TRIM2: variants seen among roughly 807,000 people sequenced by gnomAD.
TRIM2 encodes tripartite motif containing 2, also known as tripartite motif-containing protein 2.
A neutral mutation model predicts 75.2 loss-of-function variants in TRIM2; 20 were observed. That is an observed-to-expected ratio of 0.27 (90% CI 0.19 to 0.39). TRIM2 has a LOEUF of 0.39. TRIM2 is among the 10% of genes least tolerant of loss of function. The pLI, the probability that TRIM2 is intolerant of heterozygous loss-of-function variation, is 1.00. For synonymous variants in TRIM2, 373 were observed against 388.3 expected, an observed-to-expected ratio of 0.96 and a Z score of 0.46; for missense variants, 660 against 990.8, an observed-to-expected ratio of 0.67 and a Z score of 4.48.
chr4:153,260,376 C>T (rs1456832657), intron 1 of TRIM2, among the ~76,000 whole-genome samples: 1 of 152,074 alleles, frequency 6.6e-6, no homozygotes, highest in African/African-American at 2.4e-5. Flanking sequence ...AACATTCCAC[C>T]ACACAGACGC....
intron 3 of TRIM2, among the ~76,000 whole-genome samples, chr4:153,282,425 T>G (rs1759553217): frequency 6.6e-6 from 1 of 152,110 alleles, no homozygotes; most frequent in South Asian, 2.1e-4. Flanking sequence ...GAAGTAAAAT[T>G]CAGGCTGGGC....
intron 1 of TRIM2, among the ~76,000 whole-genome samples, chr4:153,173,192 C>T (rs1480853348): frequency 6.6e-6 from 1 of 152,064 alleles, no homozygotes; most frequent in Non-Finnish European, 1.5e-5. Flanking sequence ...GCTGGAAGGG[C>T]CCAGAAGGCA....
intron 9 of TRIM2, among the ~76,000 whole-genome samples, chr4:153,323,628 T>A (rs1012707657): frequency 6.6e-6 from 1 of 152,144 alleles, no homozygotes; most frequent in African/African-American, 2.4e-5. Flanking sequence ...ACTACAGGCA[T>A]GTGCCACCAT....
intron 1 of TRIM2, among the ~76,000 whole-genome samples, chr4:153,177,890 C>T (rs1213533888): frequency 6.6e-6 from 1 of 152,022 alleles, no homozygotes; most frequent in Non-Finnish European, 1.5e-5. Context: ...CAACCTCCAC[C>T]TCCAGGACTC....
intron 1 of TRIM2, among the ~76,000 whole-genome samples, chr4:153,155,332 TCTA>T (rs1729131152): frequency 1.3e-5 from 2 of 152,316 alleles, no homozygotes; most frequent in Admixed American, 1.3e-4. Flanking sequence ...AATAAATACT[TCTA>T]CTGAATTCTA....
intron 1 of TRIM2, among the ~76,000 whole-genome samples, chr4:153,155,323 A>G (rs1238147504): frequency 6.6e-6 from 1 of 152,234 alleles, no homozygotes; most frequent in Admixed American, 6.5e-5. Flanking sequence ...AAAACTAGAA[A>G]TAAATACTTC....
intron 1 of TRIM2, among the ~76,000 whole-genome samples, chr4:153,214,829 T>G (rs1482690773): frequency 6.6e-6 from 1 of 152,210 alleles, no homozygotes; most frequent in Non-Finnish European, 1.5e-5. Flanking sequence ...CTAGGTGTTT[T>G]TTATTTTCTG....
intron 3 of TRIM2, among the ~76,000 whole-genome samples, chr4:153,281,795 A>T (rs1005030417): frequency 6.6e-6 from 1 of 152,250 alleles, no homozygotes; most frequent in Non-Finnish European, 1.5e-5. Flanking sequence ...GTGATCTAAC[A>T]GGTTCTTTGC....
At chr4:153,173,644 CA>C (rs1731106886) in intron 1 of TRIM2, among the ~76,000 whole-genome samples, 1 of 149,540 alleles carries the variant, frequency 6.7e-6, no homozygotes, top group Non-Finnish European at 1.5e-5. Flanking sequence ...GCCTGGACGA[CA>C]AGAGCAAAAC....
chr4:153,158,119 A>G (rs1035831930), intron 1 of TRIM2, among the ~76,000 whole-genome samples: 4 of 152,208 alleles, frequency 2.6e-5, no homozygotes, highest in Non-Finnish European at 5.9e-5. Context: ...TGACAAATTG[A>G]CTACTTAACG....
Position 153,266,086 on chromosome 4 carries a change from C to T in TRIM2, c.31-4249C>T, listed in dbSNP as rs1362553368. Among the ~76,000 whole-genome samples the T allele has an allele frequency of 2.6e-5, 4 of 152,130 alleles. No homozygotes were observed. The East Asian group carries it at 5.8e-4, about 22-fold the overall frequency. ...GGCTGATCAGACGTCATACCTATAC[C>T]GTTTAACTATGCAGTGAGTTCTGTC... On this transcript the variant is annotated intron_variant, in intron 1 of 11. Coordinates refer to ENST00000338700, the MANE Select transcript of TRIM2 (RefSeq NM_015271.5).
intron 1 of TRIM2, among the ~76,000 whole-genome samples, chr4:153,253,786 A>G (rs1429335793): frequency 1.3e-5 from 2 of 152,194 alleles, no homozygotes; most frequent in East Asian, 1.9e-4. Context: ...TACAAATGCC[A>G]TGGCAATGTC....
At chr4:153,239,649 G>A (rs1305612757) in intron 1 of TRIM2, among the ~76,000 whole-genome samples, 1 of 152,114 alleles carries the variant, frequency 6.6e-6, no homozygotes, top group Non-Finnish European at 1.5e-5. Context: ...TAAGTGGCCT[G>A]CACCAGGTTT....
chr4:153,329,194 C>T (rs1770902187), intron 11 of TRIM2, among the ~76,000 whole-genome samples: 1 of 152,106 alleles, frequency 6.6e-6, no homozygotes, highest in Non-Finnish European at 1.5e-5. Flanking sequence ...GAAGCACACA[C>T]ATATTGCTCT....
In TRIM2 at chr4:153,204,771, C is replaced by T. The variant is rs566731564; in HGVS notation, c.30+211C>T. Among the ~76,000 whole-genome samples, 23 of 152,178 alleles carry T rather than the reference C, an allele frequency of 1.5e-4. No individual in the cohort carries two copies. In the South Asian group the frequency reaches 4.4e-3, roughly 29 times the overall value. ...GGAAGGGAGTAAGGAAGCAAAAAATCGAGGGAGAGACACAGCTGGATTTGA... is the reference window on the plus strand; with the variant it reads ...GGAAGGGAGTAAGGAAGCAAAAAATTGAGGGAGAGACACAGCTGGATTTGA... On this transcript the variant is annotated intron_variant, in intron 1 of 11. Coordinates refer to ENST00000338700, the MANE Select transcript of TRIM2 (RefSeq NM_015271.5).
intron 1 of TRIM2, among the ~76,000 whole-genome samples, chr4:153,259,995 G>T (rs904274615): frequency 6.6e-6 from 1 of 152,042 alleles, no homozygotes. Flanking sequence ...TTTTGTTATT[G>T]TCTTTAAACA....
intron 6 of TRIM2, chr4:153,308,610 C>T (rs1217286037): frequency 3.1e-6 from 2 of 641,696 alleles, no homozygotes; most frequent in Non-Finnish European, 6.0e-6. Flanking sequence ...TGATCTCATC[C>T]ACACCTTTGG....
chr4:153,249,994 G>T (rs540422914), intron 1 of TRIM2, among the ~76,000 whole-genome samples: 1 of 152,170 alleles, frequency 6.6e-6, no homozygotes, highest in East Asian at 1.9e-4. Context: ...TTGTGTTTGC[G>T]TGCTTTTGCT....
chr4:153,305,081 A>AG (rs1764699839), intron 6 of TRIM2, among the ~76,000 whole-genome samples: 2 of 152,212 alleles, frequency 1.3e-5, no homozygotes, highest in African/African-American at 2.4e-5. Flanking sequence ...GGAAGGAGAG[A>AG]GAGAAATTTG....
Sources: gnomAD v4.1 joint callset for allele counts (sites outside exome capture counted in the v4.1 genomes callset) on GRCh38, gnomAD v4.1.1 for gene constraint, MANE v1.5 for transcripts, NCBI Gene and HGNC (gene_info 2026-07-23, HGNC 2026-07-21) for gene names.